The following FHAD1 variants were observed in gnomAD, a reference collection of about 807,000 sequenced individuals.
The protein encoded by FHAD1 is forkhead associated phosphopeptide binding domain 1.
In FHAD1, 146 loss-of-function variants were observed where a neutral mutation model predicts 191.3. That is an observed-to-expected ratio of 0.76 (90% CI 0.67 to 0.88). The LOEUF is 0.88. Ranked by LOEUF, FHAD1 falls within the 40% of genes least tolerant of loss-of-function variation. The probability of loss-of-function intolerance (pLI) is 0.00; values close to 1 mark genes in which losing one functional copy is unlikely to be tolerated. For missense variants in FHAD1, 1,635 were observed against 1,785.8 expected, an observed-to-expected ratio of 0.92 and a Z score of 1.52; for synonymous variants, 616 against 672.3, an observed-to-expected ratio of 0.92 and a Z score of 1.29.
At chr1:15,283,403 A>G (rs989015183) in intron 3 of FHAD1, among the ~76,000 whole-genome samples, 7 of 152,250 alleles carry the variant, frequency 4.6e-5, no homozygotes, top group African/African-American at 1.4e-4. Context: ...GTAGCAGCAC[A>G]TCACTCTACA....
chr1:15,240,980 A>T (rs940681150), intron 1 of FHAD1, among the ~76,000 whole-genome samples: 14 of 151,472 alleles, frequency 9.2e-5, no homozygotes, highest in African/African-American at 3.4e-4. Flanking sequence ...AAAAAAAGAA[A>T]GAAAGAAAGA....
chr1:15,328,084 A>T (rs1679594077), intron 12 of FHAD1, 193 bp from the exon 13 acceptor site: 1 of 389,406 alleles, frequency 2.6e-6, no homozygotes, highest in Non-Finnish European at 4.6e-6. Flanking sequence ...TGATTCTGGG[A>T]CTCATTCCCT....
chr1:15,315,737 C>T (rs925941718), intron 8 of FHAD1, among the ~76,000 whole-genome samples: 2 of 152,036 alleles, frequency 1.3e-5, no homozygotes, highest in East Asian at 1.9e-4. Context: ...CTGCCCACCT[C>T]GGCCTCCCAA....
At chr1:15,263,229 A>T (rs1188553712) in intron 2 of FHAD1, among the ~76,000 whole-genome samples, 1 of 151,988 alleles carries the variant, frequency 6.6e-6, no homozygotes, top group Non-Finnish European at 1.5e-5. Flanking sequence ...GTGATTTGTA[A>T]ATATTTTCTT....
At chr1:15,358,363 C>T (rs1355975880) in intron 21 of FHAD1, 80 bp downstream of exon 21, 1 of 1,400,902 alleles carries the variant, frequency 7.1e-7, no homozygotes, top group Non-Finnish European at 9.6e-7. Context: ...GTGGTTTAGA[C>T]CGGGGCTTCT....
intron 5 of FHAD1, among the ~76,000 whole-genome samples, chr1:15,298,294 C>T (rs774251656): frequency 1.5e-4 from 23 of 152,154 alleles, no homozygotes; most frequent in Non-Finnish European, 3.4e-4. Context: ...AACCAAACAT[C>T]GTATGTTCTC....
intron 28 of FHAD1, among the ~76,000 whole-genome samples, chr1:15,379,982 G>A (rs945113635): frequency 6.6e-6 from 1 of 152,204 alleles, no homozygotes; most frequent in Non-Finnish European, 1.5e-5. Flanking sequence ...CCACACTGAA[G>A]TGATGCTCAC....
chr1:15,292,643 CTGT>C (rs1202252857), intron 4 of FHAD1, among the ~76,000 whole-genome samples: 5 of 152,214 alleles, frequency 3.3e-5, no homozygotes, highest in Non-Finnish European at 7.3e-5. Flanking sequence ...TCCAATCTGA[CTGT>C]TGTCCTTGTG....
chr1:15,395,329 C>T (rs917327987), intron 33 of FHAD1, among the ~76,000 whole-genome samples: 3 of 148,740 alleles, frequency 2.0e-5, no homozygotes, highest in East Asian at 2.0e-4. Flanking sequence ...AAAAAAGCTA[C>T]GGGAGAGAAC....
intron 32 of FHAD1, among the ~76,000 whole-genome samples, chr1:15,390,571 G>A (rs1004814123): frequency 2.6e-5 from 4 of 152,086 alleles, no homozygotes; most frequent in African/African-American, 9.7e-5. Flanking sequence ...CCCCATGGAA[G>A]GTTGGGGATC....
chr1:15,283,508 T>C (rs10927765), intron 3 of FHAD1, among the ~76,000 whole-genome samples: 48,660 of 152,150 alleles, frequency 0.32, 8,575 homozygotes, highest in East Asian at 0.62. Context: ...AAGTTTTAAG[T>C]ATTTATTACT....
At chr1:15,288,991 T>G (rs1453096281) in intron 3 of FHAD1, among the ~76,000 whole-genome samples, 1 of 152,018 alleles carries the variant, frequency 6.6e-6, no homozygotes, top group Non-Finnish European at 1.5e-5. Flanking sequence ...GTTTTTTTGT[T>G]TGTTTATTTT....
intron 11 of FHAD1, chr1:15,324,830 C>G: frequency 4.1e-6 from 2 of 482,392 alleles, no homozygotes; most frequent in Non-Finnish European, 7.5e-6. Flanking sequence ...GATGCCTGCC[C>G]CCAGTTAACC....
chr1:15,263,552 C>T lies in FHAD1; in HGVS notation c.94-8771C>T, dbSNP rs1444865987. On this transcript the variant is annotated intron_variant, in intron 2 of 33. Coordinates refer to ENST00000688493, the MANE Select transcript of FHAD1 (RefSeq NM_001391957.1). Reference sequence around the variant, plus strand: ...TTTTTTTTTGTCTGAGACAGCGTCTCGCTCTGTCGCCCAGGCTGGAGTGCA... The same window carrying T: ...TTTTTTTTTGTCTGAGACAGCGTCTTGCTCTGTCGCCCAGGCTGGAGTGCA... 5.4e-5 allele frequency among the ~76,000 whole-genome samples: 7 copies of T among 128,518 alleles called. 1 individual carries two copies. The highest frequency in any genetic ancestry group is 5.1e-4 in the South Asian group (2 of 3,900). The allele number at this position is 128,518 out of a possible 152,430, so 84.3% of individuals were successfully genotyped here.
chr1:15,388,076 G>A lies in FHAD1; in HGVS notation c.4214G>A (p.Arg1405Lys). ...QKESVEEHEL[R>K]NAKESTPCNC... The stretch of plus-strand genomic sequence containing the variant: ...GAAAGTGTAGAGGAGCACGAACTGA[G>A]AAACGCAAAAGAATCGACACCTTGC... The change falls in exon 32 of 34, where the codon AGA becomes AAA. Residue 1405 changes from arginine to lysine, a missense_variant. Arg to Lys is a conservative substitution (Grantham distance 26, BLOSUM62 2). Transcript: ENST00000688493. 5.4e-6 allele frequency: 7 copies of A among 1,289,952 alleles called. No individual in the cohort carries two copies. Among genetic ancestry groups the A allele is most frequent in the Non-Finnish European group, 7.1e-6 (7 of 988,890 alleles). 79.9% of individuals were successfully genotyped at this position (1,289,952 alleles called of 1,614,324 possible).
chr1:15,287,830 T>C (rs1663042365), intron 3 of FHAD1, among the ~76,000 whole-genome samples: 1 of 152,086 alleles, frequency 6.6e-6, no homozygotes, highest in Admixed American at 6.5e-5. Flanking sequence ...TGGAGAGCCC[T>C]CCTTTTCAAT....
chr1:15,387,017 C>T (rs1197350282), intron 31 of FHAD1, among the ~76,000 whole-genome samples: 5 of 152,044 alleles, frequency 3.3e-5, no homozygotes, highest in Non-Finnish European at 7.4e-5. Flanking sequence ...GCACCCACCA[C>T]CACGCCCGGC....
At chr1:15,314,749 T>G (rs1175168935) in intron 8 of FHAD1, among the ~76,000 whole-genome samples, 5 of 40,112 alleles carry the variant, frequency 1.2e-4, no homozygotes, top group Non-Finnish European at 2.1e-4. Context: ...TGTGTGAGTG[T>G]GGTGTGTGGG....
chr1:15,263,218 T>C (rs746536928), intron 2 of FHAD1, among the ~76,000 whole-genome samples: 2 of 152,198 alleles, frequency 1.3e-5, no homozygotes, highest in East Asian at 3.8e-4. Context: ...TTTTCAGATA[T>C]GTGATTTGTA....
Sources: allele counts gnomAD v4.1 joint callset (sites outside exome capture counted in the v4.1 genomes callset), GRCh38; gene constraint gnomAD v4.1.1; transcripts MANE v1.5; gene names NCBI Gene and HGNC (gene_info 2026-07-23, HGNC 2026-07-21).